The following MAGI2 variants were observed in gnomAD, a reference collection of about 807,000 sequenced individuals.
MAGI2 encodes membrane-associated guanylate kinase, WW and PDZ domain-containing protein 2.
Under a neutral mutation model 133.3 loss-of-function variants are expected in MAGI2, and 35 were observed. The observed-to-expected ratio is 0.26, with a 90% confidence interval of 0.20 to 0.35. MAGI2 has a LOEUF of 0.35. Ranked by LOEUF, MAGI2 falls within the 10% of genes least tolerant of loss-of-function variation. The pLI, the probability that MAGI2 is intolerant of heterozygous loss-of-function variation, is 1.00. For missense variants in MAGI2, 1,636 were observed against 1,863.4 expected, an observed-to-expected ratio of 0.88 and a Z score of 2.25; for synonymous variants, 729 against 710.6, an observed-to-expected ratio of 1.03 and a Z score of -0.41.
chr7:78,344,065 T>A, intron 8 of MAGI2, 105 bp from the exon 9 acceptor site: 1 of 972,710 alleles, frequency 1.0e-6, no homozygotes, highest in East Asian at 2.7e-5. Context: ...GGGGTAAATG[T>A]GGGGGGTCTT....
At chr7:78,323,431 A>T (rs868772791) in intron 9 of MAGI2, among the ~76,000 whole-genome samples, 5 of 152,166 alleles carry the variant, frequency 3.3e-5, no homozygotes, top group Middle Eastern at 3.2e-3. Flanking sequence ...CCCTCTTTGG[A>T]TCACTTCTTA....
chr7:79,301,964 C>G (rs1181314064), intron 1 of MAGI2, among the ~76,000 whole-genome samples: 1 of 152,200 alleles, frequency 6.6e-6, no homozygotes, highest in Non-Finnish European at 1.5e-5. Context: ...TGGGATGTGC[C>G]TGTTCCTCTT....
Position 78,194,946 on chromosome 7 carries a change from C to T in MAGI2, c.2197G>A (p.Glu733Lys). The T allele has an allele frequency of 6.2e-7, 1 of 1,614,128 alleles. No individual in the cohort carries two copies. Among genetic ancestry groups the T allele is most frequent in the South Asian group, 1.1e-5 (1 of 91,070 alleles). ...LHRSSFPDSTEAFDPRKPDPY... is the reference protein window; with the variant it reads ...LHRSSFPDSTKAFDPRKPDPY... ...TCAGGCTTCCGTGGGTCAAAGGCCT[C>T]TGTTGAGTCAGGAAAGGAGCTCCTG... Residue 733 changes from glutamate (E) to lysine (K), a missense_variant, in exon 12 of 22, where the codon GAG becomes AAG. Physicochemically the swap from Glu to Lys is moderately conservative, Grantham distance 56 (BLOSUM62 1). Around this residue, in one of 5 missense-constraint regions of MAGI2, gnomAD observed 920 missense variants for 1,093.5 expected, o/e 0.84. Transcript: ENST00000354212.
chr7:79,413,327 T>C (rs1846266945), intron 1 of MAGI2: 2 of 152,170 alleles, frequency 1.3e-5, no homozygotes, highest in African/African-American at 2.4e-5. Context: ...GAGATTTTTC[T>C]ATATGCTCAC....
At chr7:79,106,853 T>C (rs1304229779) in intron 1 of MAGI2, among the ~76,000 whole-genome samples, 1 of 152,222 alleles carries the variant, frequency 6.6e-6, no homozygotes, top group African/African-American at 2.4e-5. Context: ...AGCTTCATAC[T>C]CTTCTAGACT....
intron 9 of MAGI2, among the ~76,000 whole-genome samples, chr7:78,281,433 C>T (rs1341022052): frequency 2.6e-5 from 4 of 151,864 alleles, no homozygotes; most frequent in Admixed American, 2.0e-4. Context: ...GACTCTTCCC[C>T]GCTTCACTGA....
At chr7:79,137,999 G>A (rs1281131899) in intron 1 of MAGI2, among the ~76,000 whole-genome samples, 1 of 152,170 alleles carries the variant, frequency 6.6e-6, no homozygotes, top group African/African-American at 2.4e-5. Context: ...GAAATGATGA[G>A]CTTTGAAGAT....
At chr7:78,492,144 A>G (rs990463898) in intron 5 of MAGI2, among the ~76,000 whole-genome samples, 1 of 152,026 alleles carries the variant, frequency 6.6e-6, no homozygotes, top group African/African-American at 2.4e-5. Context: ...TACCATTCCT[A>G]TTGCACACCA....
At chr7:78,977,138 A>C (rs1804328476) in intron 2 of MAGI2, among the ~76,000 whole-genome samples, 1 of 151,770 alleles carries the variant, frequency 6.6e-6, no homozygotes, top group Admixed American at 6.6e-5. Context: ...AGCCAACAAA[A>C]TAATGAAGAA....
Position 78,467,649 on chromosome 7 carries a change from C to A in MAGI2, c.1045+22112G>T, listed in dbSNP as rs539185132. On this transcript the variant is annotated intron_variant, in intron 6 of 21. Transcript: ENST00000354212. ...AATTTGGTGTGAGATAAAAGCAACA[C>A]CTCATATTAGAAAGGAAAAGTACTA... 3.3e-5 allele frequency among the ~76,000 whole-genome samples: 5 copies of A among 151,334 alleles called. No homozygotes were observed. In the South Asian group the frequency reaches 1.0e-3, roughly 32 times the overall value.
chr7:78,814,890 T>TTTTG (rs1331408133), intron 2 of MAGI2, among the ~76,000 whole-genome samples: 1 of 151,976 alleles, frequency 6.6e-6, no homozygotes, highest in African/African-American at 2.4e-5. Flanking sequence ...ACCAGGCTCT[T>TTTTG]TTTGTTTGTT....
At chr7:78,162,885 C>T (rs1368194415) in intron 15 of MAGI2, among the ~76,000 whole-genome samples, 1 of 152,214 alleles carries the variant, frequency 6.6e-6, no homozygotes, top group Non-Finnish European at 1.5e-5. Context: ...TTCTACTCAT[C>T]TGGCTCTGGA....
intron 1 of MAGI2, among the ~76,000 whole-genome samples, chr7:79,291,565 T>A (rs1023237993): frequency 6.6e-6 from 1 of 152,166 alleles, no homozygotes; most frequent in East Asian, 1.9e-4. Flanking sequence ...CTCCATATAC[T>A]CACCAATACT....
intron 9 of MAGI2, among the ~76,000 whole-genome samples, chr7:78,290,271 A>T (rs1244494469): frequency 6.6e-6 from 1 of 152,224 alleles, no homozygotes; most frequent in Non-Finnish European, 1.5e-5. Flanking sequence ...TAACAAGCAA[A>T]TGGAAAACAA....
intron 2 of MAGI2, among the ~76,000 whole-genome samples, chr7:78,914,206 G>A (rs1460755361): frequency 6.6e-6 from 1 of 152,120 alleles, no homozygotes; most frequent in Non-Finnish European, 1.5e-5. Flanking sequence ...TAGAGTCTCA[G>A]CTCCTAACAC....
At chr7:78,976,463 A>G (rs184126890) in intron 2 of MAGI2, among the ~76,000 whole-genome samples, 1 of 151,246 alleles carries the variant, frequency 6.6e-6, no homozygotes, top group African/African-American at 2.4e-5. Context: ...AAATAAGTAA[A>G]TAAATAAATA....
chr7:79,176,747 C>A lies in MAGI2; in HGVS notation c.302-169541G>T, dbSNP rs1012590509. 2.2e-4 allele frequency among the ~76,000 whole-genome samples: 34 copies of A among 151,932 alleles called. 1 individual carries two copies. The highest frequency in any genetic ancestry group is 8.2e-4 in the African/African-American group (34 of 41,296). On this transcript the variant is annotated intron_variant, in intron 1 of 21. Transcript: ENST00000354212. ...GTGATCTGAGTTTGGGAGAACTTGA[C>A]AATTTATTTTGTAATATCTTAGTAA...
chr7:79,094,004 C>A (rs888188280), intron 1 of MAGI2, among the ~76,000 whole-genome samples: 1 of 152,074 alleles, frequency 6.6e-6, no homozygotes, highest in Non-Finnish European at 1.5e-5. Flanking sequence ...TGTGAGCCAC[C>A]TCACCTGGCC....
chr7:78,978,234 CCCTATCA>C (rs1159237325), intron 2 of MAGI2, among the ~76,000 whole-genome samples: 1 of 151,774 alleles, frequency 6.6e-6, no homozygotes, highest in Non-Finnish European at 1.5e-5. Flanking sequence ...TTTATGGCAG[CCCTATCA>C]CAATTGCCAA....
Sources: allele counts gnomAD v4.1 joint callset (sites outside exome capture counted in the v4.1 genomes callset), GRCh38; gene constraint gnomAD v4.1.1; regional missense constraint gnomAD v4.1.1; transcripts MANE v1.5; gene names NCBI Gene and HGNC (gene_info 2026-07-23, HGNC 2026-07-21).